KIF13B: variants seen among roughly 807,000 people sequenced by gnomAD.
The protein encoded by KIF13B is kinesin family member 13B, also known as kinesin-like protein KIF13B.
In KIF13B, 127 loss-of-function variants were observed where a neutral mutation model predicts 222.0. The observed-to-expected ratio is 0.57, with a 90% CI of 0.50 to 0.66. KIF13B has a LOEUF of 0.66. Ranked by LOEUF, KIF13B falls within the 30% of genes least tolerant of loss-of-function variation. The pLI, the probability that KIF13B is intolerant of heterozygous loss-of-function variation, is 0.00. For missense variants in KIF13B, 2,173 were observed against 2,379.0 expected, an observed-to-expected ratio of 0.91 and a Z score of 1.80; for synonymous variants, 976 against 919.0, an observed-to-expected ratio of 1.06 and a Z score of -1.12.
At chr8:29,140,018 A>T (rs2129921214) in intron 21 of KIF13B, 45 bp downstream of exon 21, 2 of 1,515,748 alleles carry the variant, frequency 1.3e-6, no homozygotes, top group East Asian at 4.9e-5. Flanking sequence ...AAAAACTGCA[A>T]TGACTTTTGT....
chr8:29,089,442 A>C (rs1306368912), intron 37 of KIF13B, among the ~76,000 whole-genome samples: 1 of 152,072 alleles, frequency 6.6e-6, no homozygotes, highest in East Asian at 1.9e-4. Context: ...CTGTCTCTAA[A>C]ATAATATTAT....
chr8:29,146,976 C>T (rs1586841197), intron 17 of KIF13B, among the ~76,000 whole-genome samples: 1 of 152,238 alleles, frequency 6.6e-6, no homozygotes, highest in Admixed American at 6.5e-5. Flanking sequence ...CAATGCAATG[C>T]TAATTAGCCC....
chr8:29,123,925 T>A, intron 27 of KIF13B, 99 bp downstream of exon 27: 2 of 708,074 alleles, frequency 2.8e-6, no homozygotes, highest in Non-Finnish European at 4.9e-6. Flanking sequence ...CCATTACTGA[T>A]GTGTTCATCT....
At position 29,230,722 on chromosome 8, in the gene KIF13B, G is replaced by A. The variant is rs531020555; in HGVS notation, c.149+14624C>T. Among the ~76,000 whole-genome samples the A allele has an allele frequency of 1.6e-4, 24 of 152,316 alleles. No individual in the cohort carries two copies. The South Asian group carries it at 5.0e-3, about 32-fold the overall frequency. ...GTTGAAAAGTGATCAAAGGCTCCAAGGAGAGGTGAGGCCAAGAAGACCTGA... is the reference window on the plus strand; with the variant it reads ...GTTGAAAAGTGATCAAAGGCTCCAAAGAGAGGTGAGGCCAAGAAGACCTGA... On this transcript the variant is annotated intron_variant, in intron 2 of 39. Coordinates refer to ENST00000524189, the MANE Select transcript of KIF13B (RefSeq NM_015254.4).
At chr8:29,145,108 C>T (rs941802264) in intron 18 of KIF13B, among the ~76,000 whole-genome samples, 4 of 152,218 alleles carry the variant, frequency 2.6e-5, no homozygotes, top group Non-Finnish European at 2.9e-5. Context: ...CCTTCCTCTT[C>T]GGTTTTTGGT....
At chr8:29,258,898 G>A (rs1437701034) in intron 1 of KIF13B, among the ~76,000 whole-genome samples, 1 of 152,080 alleles carries the variant, frequency 6.6e-6, no homozygotes, top group African/African-American at 2.4e-5. Flanking sequence ...TTTCCTCACA[G>A]GCATGAACCA....
At chr8:29,146,319 A>G (rs767357674) in intron 18 of KIF13B, 59 bp downstream of exon 18, 1 of 1,553,618 alleles carries the variant, frequency 6.4e-7, no homozygotes, top group Non-Finnish European at 8.9e-7. Context: ...AACACCAGGA[A>G]ATATCAGGCG....
intron 33 of KIF13B, 131 bp from the exon 34 acceptor site, chr8:29,109,642 GATT>G (rs1809262123): frequency 2.5e-6 from 2 of 803,778 alleles, no homozygotes; most frequent in Admixed American, 1.9e-5. Flanking sequence ...GCTGTTACGT[GATT>G]ATTACGTACT....
In KIF13B at chr8:29,068,656, G is replaced by A. The variant is rs982975673; in HGVS notation, c.*1848C>T. On this transcript the variant is annotated 3_prime_UTR_variant, in exon 40 of 40. Coordinates refer to ENST00000524189, the MANE Select transcript of KIF13B (RefSeq NM_015254.4). The surrounding 1 kb of genome is among the most constrained non-coding windows in gnomAD (Gnocchi z 4.4). The stretch of plus-strand genomic sequence containing the variant: ...CGCTGCCCGTCCGCCACCATTCCCA[G>A]AGCGTCCCCACTACACGGCCCAGGC... 1 of 152,402 alleles carries A rather than the reference G, an allele frequency of 6.6e-6. No homozygotes were observed. The highest frequency in any genetic ancestry group is 1.5e-5 in the Non-Finnish European group (1 of 68,200). The allele number at this position is 152,402 out of a possible 1,614,324, so 9.4% of individuals were successfully genotyped here. A position where few individuals can be genotyped will look rare whatever the true frequency, so the allele number is the denominator to read the frequency against.
At chr8:29,231,503 C>T (rs1311542447) in intron 2 of KIF13B, among the ~76,000 whole-genome samples, 5 of 152,142 alleles carry the variant, frequency 3.3e-5, no homozygotes, top group Non-Finnish European at 5.9e-5. Flanking sequence ...ACAGGCCAAG[C>T]GTTTTGGTTA....
intron 2 of KIF13B, among the ~76,000 whole-genome samples, chr8:29,244,255 T>C (rs1486152411): frequency 4.6e-5 from 7 of 152,202 alleles, no homozygotes; most frequent in Non-Finnish European, 8.8e-5. Flanking sequence ...CCTCATGATC[T>C]GCCCACCTTG....
At position 29,072,044 on chromosome 8, in the gene KIF13B, G is replaced by C; in HGVS notation, c.4794C>G (p.Ala1598=). 1 of 1,302,130 alleles carries C rather than the reference G, an allele frequency of 7.7e-7. No homozygotes were observed. Among genetic ancestry groups the C allele is most frequent in the Non-Finnish European group, 9.7e-7 (1 of 1,026,956 alleles). 80.7% of individuals were successfully genotyped at this position (1,302,130 alleles called of 1,614,324 possible). A position where few individuals can be genotyped will look rare whatever the true frequency, so the allele number is the denominator to read the frequency against. Residue 1598 remains alanine (A), a synonymous_variant, in exon 39 of 40, where the codon GCC becomes GCG. Transcript: ENST00000524189. ...TGGGCGCCTCGGGCTCGGCCTCAGG[G>C]GCGGTGGGCATGGACCCCGGCGGGG... ...AAAPPGSMPT[A]PEAEPEAPIS...
At chr8:29,134,683 T>G (rs1586824206) in intron 21 of KIF13B, among the ~76,000 whole-genome samples, 1 of 152,316 alleles carries the variant, frequency 6.6e-6, no homozygotes, top group African/African-American at 2.4e-5. Flanking sequence ...GGATTTGATA[T>G]TTTAAAGTAT....
At chr8:29,115,598 T>C (rs1426827256) in intron 31 of KIF13B, among the ~76,000 whole-genome samples, 1 of 152,092 alleles carries the variant, frequency 6.6e-6, no homozygotes. Context: ...AGTGTTGGGA[T>C]TACAGGCATA....
Position 29,067,400 on chromosome 8 carries a change from A to G in KIF13B, c.*3104T>C, listed in dbSNP as rs1328956422. The G allele has an allele frequency of 6.6e-6, 1 of 152,608 alleles. No individual in the cohort carries two copies. The highest frequency in any genetic ancestry group is 1.5e-5 in the Non-Finnish European group (1 of 68,052). 9.5% of individuals were successfully genotyped at this position (152,608 alleles called of 1,614,324 possible). ...TGATACAAATCATTAGAGTCTTTAC[A>G]AGTCATTAGAGTCTTTGGATTTTTT... On this transcript the variant is annotated 3_prime_UTR_variant, in exon 40 of 40. Transcript: ENST00000524189.
chr8:29,240,343 C>G (rs1259880495), intron 2 of KIF13B, among the ~76,000 whole-genome samples: 1 of 146,830 alleles, frequency 6.8e-6, no homozygotes, highest in East Asian at 1.9e-4. Context: ...AAAAAAAAGC[C>G]GCTTTCACGT....
intron 16 of KIF13B, among the ~76,000 whole-genome samples, 171 bp downstream of exon 16, chr8:29,148,406 T>A (rs1157928407): frequency 6.6e-6 from 1 of 151,926 alleles, no homozygotes; most frequent in Non-Finnish European, 1.5e-5. Context: ...TACCGTTTTT[T>A]TTTTTTTAAA....
At chr8:29,075,548 C>G (rs1351245000) in intron 37 of KIF13B, among the ~76,000 whole-genome samples, 1 of 149,544 alleles carries the variant, frequency 6.7e-6, no homozygotes, top group Non-Finnish European at 1.5e-5. Flanking sequence ...GGCCACATGC[C>G]AAGATCACCA....
chr8:29,221,702 C>G (rs6996930), intron 2 of KIF13B, among the ~76,000 whole-genome samples: 22,195 of 151,950 alleles, frequency 0.15, 1,751 homozygotes, highest in African/African-American at 0.17. Flanking sequence ...TTTTGTGAAG[C>G]CTTGTAACTG....
Sources: gnomAD v4.1 joint callset for allele counts (sites outside exome capture counted in the v4.1 genomes callset) on GRCh38, gnomAD v4.1.1 for gene constraint, Gnocchi (gnomAD v3.1) non-coding constraint, MANE v1.5 for transcripts, NCBI Gene and HGNC (gene_info 2026-07-23, HGNC 2026-07-21) for gene names.